Variants in MSRA observed in about 807,000 individuals in gnomAD.
MSRA encodes methionine sulfoxide reductase A, also known as mitochondrial peptide methionine sulfoxide reductase.
A neutral mutation model predicts 31.3 loss-of-function variants in MSRA; 54 were observed. That is an observed-to-expected ratio of 1.73 (90% CI 1.39 to 2.17). MSRA has a LOEUF of 2.17. Among genes scored for constraint, MSRA ranks in the 30% most tolerant of loss-of-function variants. The probability of loss-of-function intolerance (pLI) is 0.00; values close to 1 mark genes in which losing one functional copy is unlikely to be tolerated. For synonymous variants in MSRA, 169 were observed against 116.5 expected, an observed-to-expected ratio of 1.45 and a Z score of -2.90; for missense variants, 507 against 300.9, an observed-to-expected ratio of 1.69 and a Z score of -5.07.
intron 1 of MSRA, among the ~76,000 whole-genome samples, chr8:10,164,859 C>G (rs989668255): frequency 1.3e-5 from 2 of 152,096 alleles, no homozygotes; most frequent in Non-Finnish European, 2.9e-5. Context: ...GAAACCCTGT[C>G]TCTACTAAAA....
chr8:10,121,684 T>G (rs1801119102), intron 1 of MSRA, among the ~76,000 whole-genome samples: 1 of 152,026 alleles, frequency 6.6e-6, no homozygotes, highest in Non-Finnish European at 1.5e-5. Flanking sequence ...TCTCTTTTTT[T>G]TTTGAGACTG....
Position 10,363,862 on chromosome 8 carries a change from G to C in MSRA, c.543+43873G>C, listed in dbSNP as rs140205993. ...TGGGAGGATGACTTGAGTCTGGGAG[G>C]TTGAGGCTGCAGTGAGCTTGATGGC... On this transcript the variant is annotated intron_variant, in intron 5 of 5. Coordinates refer to ENST00000317173, the MANE Select transcript of MSRA (RefSeq NM_012331.5). Among the ~76,000 whole-genome samples, 626 of 152,068 alleles carry C rather than the reference G, an allele frequency of 4.1e-3. 7 individuals carry two copies. The highest frequency in any genetic ancestry group is 0.015 in the African/African-American group (607 of 41,492).
intron 3 of MSRA, among the ~76,000 whole-genome samples, chr8:10,288,200 A>C (rs1800039487): frequency 6.6e-6 from 1 of 152,200 alleles, no homozygotes; most frequent in African/African-American, 2.4e-5. Context: ...TAGTCGCCCT[A>C]AGCGGCCTTT....
chr8:10,281,442 T>A (rs1799617558), intron 3 of MSRA, among the ~76,000 whole-genome samples: 1 of 152,162 alleles, frequency 6.6e-6, no homozygotes, highest in African/African-American at 2.4e-5. Flanking sequence ...TAGGTAATCA[T>A]CTATAAACCC....
At chr8:10,300,488 T>C (rs577985460) in intron 3 of MSRA, among the ~76,000 whole-genome samples, 1 of 152,220 alleles carries the variant, frequency 6.6e-6, no homozygotes, top group South Asian at 2.1e-4. Flanking sequence ...ACTCCTGACC[T>C]CAAGTGATCC....
intron 4 of MSRA, among the ~76,000 whole-genome samples, chr8:10,303,132 A>G (rs1013227013): frequency 3.9e-5 from 6 of 152,248 alleles, no homozygotes; most frequent in Non-Finnish European, 8.8e-5. Context: ...CAGTGAAGAC[A>G]TGTATCAGAG....
At chr8:10,122,919 C>T (rs1475681534) in intron 1 of MSRA, among the ~76,000 whole-genome samples, 1 of 152,144 alleles carries the variant, frequency 6.6e-6, no homozygotes, top group African/African-American at 2.4e-5. Flanking sequence ...ACCACATTTT[C>T]TTTTTACATT....
intron 1 of MSRA, among the ~76,000 whole-genome samples, chr8:10,180,227 A>G (rs1315657951): frequency 6.6e-6 from 1 of 152,182 alleles, no homozygotes; most frequent in Non-Finnish European, 1.5e-5. Flanking sequence ...CAGATCTCAG[A>G]ATAACAGTTT....
At chr8:10,329,233 A>G (rs1390210393) in intron 5 of MSRA, among the ~76,000 whole-genome samples, 1 of 152,232 alleles carries the variant, frequency 6.6e-6, no homozygotes, top group Non-Finnish European at 1.5e-5. Context: ...ATGGTTCCAG[A>G]GGGCAGAAGC....
intron 1 of MSRA, among the ~76,000 whole-genome samples, chr8:10,121,717 C>G (rs1003922501): frequency 6.6e-6 from 1 of 151,942 alleles, no homozygotes; most frequent in Admixed American, 6.6e-5. Flanking sequence ...TTTGCCTAGG[C>G]TGGCATGCAG....
At chr8:10,409,383 C>T (rs1453666724) in intron 5 of MSRA, among the ~76,000 whole-genome samples, 1 of 152,148 alleles carries the variant, frequency 6.6e-6, no homozygotes, top group African/African-American at 2.4e-5. Context: ...TTCATCTCTC[C>T]CCTCATGAGA....
chr8:10,203,129 G>C (rs1355950884), intron 1 of MSRA, among the ~76,000 whole-genome samples: 1 of 152,078 alleles, frequency 6.6e-6, no homozygotes, highest in Non-Finnish European at 1.5e-5. Flanking sequence ...ACAAGACAAA[G>C]CCGCCAGGGA....
chr8:10,169,740 A>C (rs774126996), intron 1 of MSRA, among the ~76,000 whole-genome samples: 1 of 152,188 alleles, frequency 6.6e-6, no homozygotes, highest in Non-Finnish European at 1.5e-5. Flanking sequence ...GATACCTTAA[A>C]AACTGAAAAA....
In MSRA at chr8:10,309,865, G is replaced by A. The variant is rs370706040; in HGVS notation, c.436+8227G>A. 9.9e-5 allele frequency among the ~76,000 whole-genome samples: 15 copies of A among 152,284 alleles called. No homozygotes were observed. The East Asian group carries it at 2.1e-3, about 22-fold the overall frequency. Reference sequence around the variant, plus strand: ...TCCAGGTGGTCCCAGGGAATCGGGTGGGATAGGTCCACTCCGTGTTCAGGA... The same window carrying A: ...TCCAGGTGGTCCCAGGGAATCGGGTAGGATAGGTCCACTCCGTGTTCAGGA... On this transcript the variant is annotated intron_variant, in intron 4 of 5. Transcript: ENST00000317173.
At chr8:10,107,683 A>G (rs1391522374) in intron 1 of MSRA, among the ~76,000 whole-genome samples, 2 of 152,338 alleles carry the variant, frequency 1.3e-5, no homozygotes, top group South Asian at 2.1e-4. Flanking sequence ...TTTTACTTCC[A>G]AGAGAGCTTT....
chr8:10,094,081 C>G (rs1219570941), intron 1 of MSRA, among the ~76,000 whole-genome samples: 1 of 152,134 alleles, frequency 6.6e-6, no homozygotes. Flanking sequence ...TTTTGAATTA[C>G]AAATTCACTG....
At position 10,382,100 on chromosome 8, in the gene MSRA, C is replaced by G. The variant is rs1009581446; in HGVS notation, c.544-46048C>G. Among the ~76,000 whole-genome samples the G allele has an allele frequency of 3.3e-5, 5 of 152,356 alleles. No individual in the cohort carries two copies. In the South Asian group the frequency reaches 6.2e-4, roughly 19 times the overall value. On this transcript the variant is annotated intron_variant, in intron 5 of 5. Coordinates refer to ENST00000317173, the MANE Select transcript of MSRA (RefSeq NM_012331.5). ...GTGAAGTTAAGTGGCTTTCTAGAAG[C>G]TCTACTGCCCCCAGTGACCGCTGGA...
chr8:10,413,795 C>T (rs1808300485), intron 5 of MSRA, among the ~76,000 whole-genome samples: 1 of 151,934 alleles, frequency 6.6e-6, no homozygotes, highest in Non-Finnish European at 1.5e-5. Flanking sequence ...GTCTGAGGAA[C>T]AGAATTTAAA....
chr8:10,377,100 G>T (rs145732760), intron 5 of MSRA, among the ~76,000 whole-genome samples: 278 of 152,358 alleles, frequency 1.8e-3, no homozygotes, highest in African/African-American at 6.3e-3. Context: ...AGTAATTCAC[G>T]TTATGCAGCT....
Sources: allele counts gnomAD v4.1 joint callset (sites outside exome capture counted in the v4.1 genomes callset), GRCh38; gene constraint gnomAD v4.1.1; transcripts MANE v1.5; gene names NCBI Gene and HGNC (gene_info 2026-07-23, HGNC 2026-07-21).